IQCK: variants seen among roughly 807,000 people sequenced by gnomAD.
IQCK encodes the protein IQ motif containing K.
In IQCK, 29 loss-of-function variants were observed where a neutral mutation model predicts 28.1. The ratio of observed to expected loss-of-function variants is 1.03; its 90% CI spans 0.77 to 1.41. The LOEUF (loss-of-function observed/expected upper bound fraction) is 1.41, where lower values mean the gene tolerates loss of function less well. IQCK is among the 40% of genes most tolerant of loss of function. The pLI, the probability that IQCK is intolerant of heterozygous loss-of-function variation, is 0.00. For synonymous variants in IQCK, 113 were observed against 115.1 expected (o/e 0.98, Z 0.12); for missense variants, 359 against 314.7 (o/e 1.14, Z -1.07).
In IQCK at chr16:19,805,007, C is replaced by G. The variant is rs866057897; in HGVS notation, c.690+16085C>G. The stretch of plus-strand genomic sequence containing the variant: ...TTCCCCAGCTTCCTCTTCCTCCTTT[C>G]CAGAGAGGGGCGTCTCCTGCTGCAG... On this transcript the variant is annotated intron_variant, in intron 7 of 7. Coordinates refer to ENST00000564186, the Ensembl canonical transcript of IQCK. Among the ~76,000 whole-genome samples, 8 of 152,270 alleles carry G rather than the reference C, an allele frequency of 5.3e-5. No individual in the cohort carries two copies. The South Asian group carries it at 1.7e-3, about 32-fold the overall frequency.
intron 7 of IQCK, among the ~76,000 whole-genome samples, chr16:19,821,471 G>A (rs1567570528): frequency 1.3e-5 from 2 of 152,126 alleles, no homozygotes; most frequent in African/African-American, 2.4e-5. Context: ...AGACCGAGGC[G>A]GGTGGATCAC....
chr16:19,733,131 T>A (rs1279945306), intron 2 of IQCK, among the ~76,000 whole-genome samples: 1 of 152,042 alleles, frequency 6.6e-6, no homozygotes, highest in Non-Finnish European at 1.5e-5. Context: ...CTCTTGCTTC[T>A]TTTATTTATT....
At chr16:19,757,216 G>T (rs2055064710) in intron 4 of IQCK, among the ~76,000 whole-genome samples, 1 of 152,136 alleles carries the variant, frequency 6.6e-6, no homozygotes, top group Admixed American at 6.5e-5. Context: ...ATGTGCTTTT[G>T]ACTTTTCTAG....
chr16:19,772,462 T>A (rs1281307367), intron 6 of IQCK, among the ~76,000 whole-genome samples: 3 of 152,142 alleles, frequency 2.0e-5, no homozygotes, highest in Non-Finnish European at 4.4e-5. Context: ...AAAATTATTA[T>A]TTAAGATATG....
chr16:19,723,041 ACT>A (rs1447999208), intron 1 of IQCK, among the ~76,000 whole-genome samples: 1 of 151,608 alleles, frequency 6.6e-6, no homozygotes, highest in African/African-American at 2.4e-5. Context: ...ACGGCCCCAC[ACT>A]CTCATTTGCC....
At chr16:19,779,490 A>G (rs2055444791) in intron 6 of IQCK, among the ~76,000 whole-genome samples, 1 of 152,138 alleles carries the variant, frequency 6.6e-6, no homozygotes, top group African/African-American at 2.4e-5. Context: ...ATTATTGGGA[A>G]TAAAAATATG....
At chr16:19,827,300 G>T, downstream of IQCK, 1 of 606,224 alleles carries the variant, frequency 1.6e-6, no homozygotes, top group South Asian at 2.0e-5. Flanking sequence ...GCTATGGAAT[G>T]ACAGAGGTGA....
intron 7 of IQCK, among the ~76,000 whole-genome samples, chr16:19,817,109 A>AT (rs1021644493): frequency 5.3e-5 from 8 of 152,092 alleles, no homozygotes; most frequent in African/African-American, 1.2e-4. Context: ...TGTCATGGGC[A>AT]TTTTTTTAAA....
intron 7 of IQCK, among the ~76,000 whole-genome samples, chr16:19,810,545 G>C (rs989576013): frequency 6.6e-6 from 1 of 150,932 alleles, no homozygotes; most frequent in Admixed American, 6.6e-5. Context: ...AGGTATGGTG[G>C]TTCACACCTG....
At chr16:19,719,306 TC>T (rs1444649557) in intron 1 of IQCK, among the ~76,000 whole-genome samples, 1 of 152,146 alleles carries the variant, frequency 6.6e-6, no homozygotes, top group Non-Finnish European at 1.5e-5. Context: ...TGGGATGTTT[TC>T]TTTTTCCTCC....
At chr16:19,843,382 C>G (rs1205965872) in intron 9 of IQCK, among the ~76,000 whole-genome samples, 2 of 152,198 alleles carry the variant, frequency 1.3e-5, no homozygotes, top group African/African-American at 2.4e-5. Context: ...TTCCAATCCT[C>G]CCAGCCCCAG....
intron 9 of IQCK, among the ~76,000 whole-genome samples, chr16:19,835,587 CTTT>C (rs372317479): frequency 7.2e-6 from 1 of 138,910 alleles, no homozygotes. Context: ...CTTTTCTTTT[CTTT>C]TTTTTTTTTT....
chr16:19,735,350 T>G lies in IQCK; in HGVS notation c.377-3T>G, dbSNP rs746050572. On this transcript the variant is annotated splice_polypyrimidine_tract_variant and splice_region_variant and intron_variant, in intron 3 of 7. Transcript: ENST00000564186. ...AGGGGGAATTTTTGTTTGTTTGTTT[T>G]AGGTTCTCCCAAAGAATATTTGGAA... 6.2e-7 allele frequency: 1 copy of G among 1,610,896 alleles called. No homozygotes were observed. The highest frequency in any genetic ancestry group is 8.5e-7 in the Non-Finnish European group (1 of 1,177,036).
intron 1 of IQCK, among the ~76,000 whole-genome samples, chr16:19,722,230 G>T (rs180705404): frequency 8.0e-4 from 110 of 137,126 alleles, no homozygotes; most frequent in African/African-American, 3.8e-3. Flanking sequence ...CGTTCACTGA[G>T]AAGAGTCAGG....
chr16:19,828,466 G>T (rs935798125), downstream of IQCK, among the ~76,000 whole-genome samples: 10 of 149,594 alleles, frequency 6.7e-5, no homozygotes, highest in Admixed American at 3.4e-4. Flanking sequence ...TCAAACTCCT[G>T]ACCTCAGGTG....
At chr16:19,720,634 C>T (rs192332746) in intron 1 of IQCK, among the ~76,000 whole-genome samples, 314 of 152,270 alleles carry the variant, frequency 2.1e-3, no homozygotes, top group African/African-American at 6.4e-3. Context: ...TTATTTTGGT[C>T]AAATAGGCCT....
At chr16:19,758,724 C>T (rs911105698) in intron 4 of IQCK, among the ~76,000 whole-genome samples, 7 of 152,170 alleles carry the variant, frequency 4.6e-5, no homozygotes, top group African/African-American at 1.7e-4. Flanking sequence ...TGGTCTGATA[C>T]ATACATTTTA....
At chr16:19,784,205 C>G (rs1285338896) in intron 6 of IQCK, among the ~76,000 whole-genome samples, 1 of 152,082 alleles carries the variant, frequency 6.6e-6, no homozygotes, top group Non-Finnish European at 1.5e-5. Context: ...TGCACCCTCC[C>G]TGCCCCCATT....
At chr16:19,822,126 C>T (rs2056082299) in intron 7 of IQCK, among the ~76,000 whole-genome samples, 2 of 146,772 alleles carry the variant, frequency 1.4e-5, no homozygotes, top group Admixed American at 6.9e-5. Flanking sequence ...AGGTGGCTCA[C>T]GCAGTAATCC....
Sources: allele counts gnomAD v4.1 joint callset (sites outside exome capture counted in the v4.1 genomes callset), GRCh38; gene constraint gnomAD v4.1.1; transcripts MANE v1.5; gene names NCBI Gene and HGNC (gene_info 2026-07-23, HGNC 2026-07-21).